DEK: variants seen among roughly 807,000 people sequenced by gnomAD.
The protein encoded by DEK is DEK proto-oncogene, also known as protein DEK.
A neutral mutation model predicts 46.8 loss-of-function variants in DEK; 28 were observed. The ratio of observed to expected loss-of-function variants is 0.60; its 90% CI spans 0.44 to 0.82. The LOEUF is 0.82. Among genes scored for constraint, DEK ranks in the 40% least tolerant of loss-of-function variants. The probability of loss-of-function intolerance (pLI) is 0.00; values close to 1 mark genes in which losing one functional copy is unlikely to be tolerated. For missense variants in DEK, 416 were observed against 430.6 expected (o/e 0.97, Z 0.30); for synonymous variants, 160 against 144.5 (o/e 1.11, Z -0.77).
chr6:18,253,162 C>T (rs1791464073), intron 6 of DEK, among the ~76,000 whole-genome samples: 2 of 151,498 alleles, frequency 1.3e-5, no homozygotes, highest in Admixed American at 6.6e-5. Context: ...TGCAGCAGCA[C>T]GATCTCGGCT....
chr6:18,259,371 G>C (rs1791742249), intron 2 of DEK, among the ~76,000 whole-genome samples: 1 of 111,878 alleles, frequency 8.9e-6, no homozygotes, highest in African/African-American at 3.5e-5. Context: ...CCTCAGCCTG[G>C]GCGACACAGC....
chr6:18,248,814 G>A (rs1179912388), intron 7 of DEK, among the ~76,000 whole-genome samples: 1 of 152,100 alleles, frequency 6.6e-6, no homozygotes, highest in Non-Finnish European at 1.5e-5. Context: ...TTGTCACAAG[G>A]GGAGCTTGGG....
intron 9 of DEK, among the ~76,000 whole-genome samples, chr6:18,231,183 A>G (rs1416068423): frequency 6.6e-6 from 1 of 152,228 alleles, no homozygotes; most frequent in Non-Finnish European, 1.5e-5. Flanking sequence ...GAAAAACGAC[A>G]CAACATACCA....
intron 2 of DEK, among the ~76,000 whole-genome samples, chr6:18,262,831 T>G (rs977701534): frequency 1.3e-5 from 2 of 152,036 alleles, no homozygotes; most frequent in Non-Finnish European, 2.9e-5. Flanking sequence ...AAGCCATGCT[T>G]TACTTAAATA....
At chr6:18,258,267 T>G in intron 3 of DEK, 37 bp downstream of exon 3, 1 of 1,559,212 alleles carries the variant, frequency 6.4e-7, no homozygotes, top group South Asian at 1.2e-5. Flanking sequence ...TTTAGGCACT[T>G]TCACCACAAA....
chr6:18,250,848 G>A (rs1791348898), intron 6 of DEK, among the ~76,000 whole-genome samples: 1 of 151,990 alleles, frequency 6.6e-6, no homozygotes, highest in Non-Finnish European at 1.5e-5. Context: ...ATTTATGAAT[G>A]AACTATACGG....
At chr6:18,228,102 A>G (rs891833019) in intron 9 of DEK, among the ~76,000 whole-genome samples, 1 of 152,062 alleles carries the variant, frequency 6.6e-6, no homozygotes, top group African/African-American at 2.4e-5. Flanking sequence ...CTTTACTTCC[A>G]CTGTATAGTT....
intron 7 of DEK, among the ~76,000 whole-genome samples, chr6:18,244,218 G>A (rs1791012612): frequency 6.6e-6 from 1 of 152,104 alleles, no homozygotes; most frequent in Non-Finnish European, 1.5e-5. Flanking sequence ...ATTGTCATGA[G>A]ATTTAAAGAT....
intron 3 of DEK, 90 bp downstream of exon 3, chr6:18,258,214 A>C (rs1747774803): frequency 8.3e-7 from 1 of 1,203,070 alleles, no homozygotes; most frequent in South Asian, 1.4e-5. Flanking sequence ...AGTATAAAAC[A>C]CTACCTTGCT....
chr6:18,257,891 A>G, intron 4 of DEK, 62 bp downstream of exon 4: 3 of 1,232,646 alleles, frequency 2.4e-6, no homozygotes, highest in South Asian at 2.9e-5. Flanking sequence ...ACTAACATTT[A>G]CAGAAATTGA....
rs1324092244 is a variant in DEK at position 18,230,230 on chromosome 6, A to G, written c.1048-3988T>C. 2.6e-5 allele frequency among the ~76,000 whole-genome samples: 4 copies of G among 152,314 alleles called. No individual in the cohort carries two copies. In the East Asian group the frequency reaches 7.7e-4, roughly 29 times the overall value. ...CCTTACAAGAGCTCCTGAAGGAAGC[A>G]CTAAACATGGAAAGGAACAACCGGT... On this transcript the variant is annotated intron_variant, in intron 9 of 10. Transcript: ENST00000652689.
chr6:18,258,551 G>C (rs949834286), intron 2 of DEK, 146 bp from the exon 3 acceptor site: 1 of 556,356 alleles, frequency 1.8e-6, no homozygotes, highest in African/African-American at 2.0e-5. Flanking sequence ...TGACATAAAA[G>C]AGGAAAACAC....
intron 9 of DEK, among the ~76,000 whole-genome samples, chr6:18,228,908 A>G (rs1457027673): frequency 6.6e-6 from 1 of 152,220 alleles, no homozygotes; most frequent in East Asian, 1.9e-4. Flanking sequence ...CCACAGCTCA[A>G]GGAGGCCTGA....
intron 2 of DEK, among the ~76,000 whole-genome samples, chr6:18,258,920 GGATAA>G (rs1338137133): frequency 6.6e-6 from 1 of 152,120 alleles, no homozygotes; most frequent in Non-Finnish European, 1.5e-5. Context: ...TACGTGGATA[GGATAA>G]AACTCTCCAA....
chr6:18,228,881 G>A (rs1280177839), intron 9 of DEK, among the ~76,000 whole-genome samples: 4 of 152,198 alleles, frequency 2.6e-5, no homozygotes, highest in Non-Finnish European at 2.9e-5. Context: ...GAGGAAGCTC[G>A]AACTGGGTGG....
chr6:18,248,079 T>G (rs778031741), intron 7 of DEK, among the ~76,000 whole-genome samples: 3 of 152,190 alleles, frequency 2.0e-5, no homozygotes, highest in Non-Finnish European at 4.4e-5. Flanking sequence ...CAACTAATAC[T>G]TACATACTAT....
intron 10 of DEK, chr6:18,225,956 C>CT: frequency 1.5e-6 from 1 of 688,740 alleles, no homozygotes; most frequent in Non-Finnish European, 2.3e-6. Context: ...CATGAGGCCA[C>CT]ATCATAATCT....
chr6:18,255,017 G>C (rs1469263421), intron 6 of DEK, among the ~76,000 whole-genome samples: 2 of 152,152 alleles, frequency 1.3e-5, no homozygotes, highest in African/African-American at 2.4e-5. Flanking sequence ...AGGCCTGCTA[G>C]ATCTCTCACA....
At chr6:18,234,201 C>CG (rs887944771) in intron 9 of DEK, among the ~76,000 whole-genome samples, 1 of 21,792 alleles carries the variant, frequency 4.6e-5, no homozygotes, top group Non-Finnish European at 9.0e-5. Flanking sequence ...GTGGGGGGGA[C>CG]GGGGGAGGGA....
Sources: allele counts gnomAD v4.1 joint callset (sites outside exome capture counted in the v4.1 genomes callset), GRCh38; gene constraint gnomAD v4.1.1; transcripts MANE v1.5; gene names NCBI Gene and HGNC (gene_info 2026-07-23, HGNC 2026-07-21).